Variants in RBFOX1 observed in about 807,000 individuals in gnomAD.
The protein encoded by RBFOX1 is RNA binding protein fox-1 homolog 1.
RBFOX1 carries 8 observed loss-of-function variants against 57.7 expected under a neutral mutation model. The observed-to-expected ratio is 0.14, with a 90% CI of 0.08 to 0.25. RBFOX1 has a LOEUF of 0.25. Ranked by LOEUF, RBFOX1 falls within the 10% of genes least tolerant of loss-of-function variation. The probability of loss-of-function intolerance (pLI) is 1.00; values close to 1 mark genes in which losing one functional copy is unlikely to be tolerated. For missense variants in RBFOX1, 611 were observed against 548.5 expected (o/e 1.11, Z -1.14); for synonymous variants, 326 against 222.4 (o/e 1.47, Z -4.15).
intron 4 of RBFOX1, among the ~76,000 whole-genome samples, chr16:7,206,834 A>G (rs993139602): frequency 6.6e-6 from 1 of 152,122 alleles, no homozygotes; most frequent in African/African-American, 2.4e-5. Context: ...TTTATAAACA[A>G]TCAATTCTCT....
At chr16:6,182,150 C>T (rs1269942551) in intron 1 of RBFOX1, among the ~76,000 whole-genome samples, 2 of 152,136 alleles carry the variant, frequency 1.3e-5, no homozygotes, top group African/African-American at 4.8e-5. Context: ...GAGATCCTAT[C>T]ACATTATTAA....
intron 4 of RBFOX1, among the ~76,000 whole-genome samples, chr16:7,332,040 T>TGAAA (rs2096704831): frequency 6.6e-6 from 1 of 152,240 alleles, no homozygotes; most frequent in African/African-American, 2.4e-5. Context: ...ATATCACAGA[T>TGAAA]GAAAGCTCAA....
intron 4 of RBFOX1, among the ~76,000 whole-genome samples, chr16:7,363,550 G>A (rs1221947532): frequency 1.6e-4 from 24 of 151,996 alleles, no homozygotes; most frequent in Admixed American, 1.6e-3. Flanking sequence ...CTGGCAAAGT[G>A]CCTGGCATAA....
At chr16:6,495,833 A>T (rs2095754551) in intron 2 of RBFOX1, among the ~76,000 whole-genome samples, 1 of 152,206 alleles carries the variant, frequency 6.6e-6, no homozygotes, top group South Asian at 2.1e-4. Context: ...CCTATTGAAG[A>T]CGTGGAATTG....
At chr16:7,384,775 C>T (rs1159670088) in intron 4 of RBFOX1, among the ~76,000 whole-genome samples, 1 of 152,206 alleles carries the variant, frequency 6.6e-6, no homozygotes, top group African/African-American at 2.4e-5. Context: ...AATGCCAACC[C>T]TTCTCAGCCG....
chr16:6,832,411 G>T (rs889694367), intron 3 of RBFOX1, among the ~76,000 whole-genome samples: 2 of 152,178 alleles, frequency 1.3e-5, no homozygotes, highest in East Asian at 3.8e-4. Flanking sequence ...AATAGTGACT[G>T]AGGGGTCTGC....
intron 4 of RBFOX1, among the ~76,000 whole-genome samples, chr16:7,317,674 A>G (rs1194063844): frequency 2.0e-5 from 3 of 152,198 alleles, no homozygotes; most frequent in African/African-American, 7.2e-5. Flanking sequence ...CGCTGCCTCC[A>G]GCCACAGGAG....
intron 3 of RBFOX1, among the ~76,000 whole-genome samples, chr16:5,765,860 A>T (rs1053396439): frequency 6.6e-6 from 1 of 152,184 alleles, no homozygotes; most frequent in Non-Finnish European, 1.5e-5. Flanking sequence ...GTGTGGAAGG[A>T]TTCCTAGTCT....
intron 4 of RBFOX1, among the ~76,000 whole-genome samples, chr16:7,428,246 G>T (rs917796862): frequency 6.6e-6 from 1 of 151,370 alleles, no homozygotes; most frequent in African/African-American, 2.4e-5. Context: ...ATTGCTATTG[G>T]CATATCGTCA....
intron 3 of RBFOX1, among the ~76,000 whole-genome samples, chr16:5,770,974 G>T (rs765387787): frequency 6.6e-6 from 1 of 152,134 alleles, no homozygotes; most frequent in Admixed American, 6.5e-5. Context: ...CTCTGGCCAC[G>T]ACCCTTTTTG....
chr16:7,343,794 C>T (rs1479831460), intron 4 of RBFOX1, among the ~76,000 whole-genome samples: 1 of 152,084 alleles, frequency 6.6e-6, no homozygotes, highest in Admixed American at 6.5e-5. Context: ...CCTTGGATGC[C>T]ATTTGCTACC....
intron 11 of RBFOX1, among the ~76,000 whole-genome samples, chr16:7,637,450 A>C (rs1048859933): frequency 7.2e-5 from 11 of 152,224 alleles, no homozygotes; most frequent in Non-Finnish European, 1.6e-4. Context: ...AATTGTGTGG[A>C]ATTCATAAAA....
At chr16:7,576,140 A>G (rs770002577) in intron 5 of RBFOX1, among the ~76,000 whole-genome samples, 2 of 150,944 alleles carry the variant, frequency 1.3e-5, no homozygotes, top group East Asian at 2.0e-4. Context: ...GGGTCTCACT[A>G]TGTTGCAGGC....
intron 4 of RBFOX1, among the ~76,000 whole-genome samples, chr16:7,054,600 C>G (rs188220109): frequency 9.3e-5 from 14 of 150,430 alleles, no homozygotes; most frequent in African/African-American, 2.7e-4. Context: ...AAGGTAAATA[C>G]CTGTCCATCT....
intron 3 of RBFOX1, among the ~76,000 whole-genome samples, chr16:6,978,705 A>C (rs540929003): frequency 4.6e-5 from 7 of 152,346 alleles, no homozygotes; most frequent in African/African-American, 1.7e-4. Context: ...CAATGTAATC[A>C]GGATGTGATA....
At chr16:5,289,370 G>C in intron 1 of RBFOX1, 1 of 398,646 alleles carries the variant, frequency 2.5e-6, no homozygotes, top group Non-Finnish European at 4.8e-6. Flanking sequence ...CCCATCATTG[G>C]CATCATGGGA....
intron 1 of RBFOX1, among the ~76,000 whole-genome samples, chr16:6,180,200 T>C (rs1598118890): frequency 1.3e-5 from 2 of 152,288 alleles, no homozygotes; most frequent in Admixed American, 6.5e-5. Flanking sequence ...GTGTTAGTAA[T>C]AATTCTTCTT....
chr16:5,294,054 C>G (rs1270240172), intron 1 of RBFOX1, among the ~76,000 whole-genome samples: 1 of 152,058 alleles, frequency 6.6e-6, no homozygotes, highest in Non-Finnish European at 1.5e-5. Flanking sequence ...CGTGGTGAAA[C>G]CCTATCTCTA....
intron 2 of RBFOX1, among the ~76,000 whole-genome samples, chr16:5,538,619 C>CTTTTTTTTTTTTTTTTTTTTT (rs59757856): frequency 7.9e-6 from 1 of 126,948 alleles, no homozygotes; most frequent in Non-Finnish European, 1.7e-5. Context: ...TTTATTTCTT[C>CTTTTTTTTTTTTTTTTTTTTT]TTTTTTTTTT....
Sources: gnomAD v4.1 joint callset for allele counts (sites outside exome capture counted in the v4.1 genomes callset) on GRCh38, gnomAD v4.1.1 for gene constraint, MANE v1.5 for transcripts, NCBI Gene and HGNC (gene_info 2026-07-23, HGNC 2026-07-21) for gene names.